HDAC9: variants seen among roughly 807,000 people sequenced by gnomAD.
HDAC9 encodes MEF-2 interacting transcription repressor (MITR) protein.
Under a neutral mutation model 139.4 loss-of-function variants are expected in HDAC9, and 41 were observed. The ratio of observed to expected loss-of-function variants is 0.29; its 90% CI spans 0.23 to 0.38. The LOEUF (loss-of-function observed/expected upper bound fraction) is 0.38, where lower values mean the gene tolerates loss of function less well. Among genes scored for constraint, HDAC9 ranks in the 10% least tolerant of loss-of-function variants. The pLI is 1.00. For synonymous variants in HDAC9, 517 were observed against 476.2 expected (o/e 1.09, Z -1.12); for missense variants, 1,147 against 1,297.0 (o/e 0.88, Z 1.78).
At chr7:18,300,191 ATT>A (rs200511894) in intron 1 of HDAC9, among the ~76,000 whole-genome samples, 44 of 142,638 alleles carry the variant, frequency 3.1e-4, no homozygotes, top group Middle Eastern at 3.6e-3. Context: ...TTTTTTGCAA[ATT>A]TTTTTTTTTT....
At chr7:18,403,332 C>T (rs1787714385) in intron 1 of HDAC9, among the ~76,000 whole-genome samples, 1 of 152,098 alleles carries the variant, frequency 6.6e-6, no homozygotes, top group Non-Finnish European at 1.5e-5. Context: ...CATACTAGGT[C>T]TTATGATTTG....
chr7:18,605,070 A>G (rs1835076774), intron 6 of HDAC9, among the ~76,000 whole-genome samples: 1 of 152,094 alleles, frequency 6.6e-6, no homozygotes, highest in African/African-American at 2.4e-5. Context: ...TTTGTTTAAT[A>G]TCTGTTGTAG....
At chr7:18,709,034 G>A (rs1230141011) in intron 12 of HDAC9, among the ~76,000 whole-genome samples, 1 of 151,064 alleles carries the variant, frequency 6.6e-6, no homozygotes, top group Non-Finnish European at 1.5e-5. Flanking sequence ...GTTAACAACA[G>A]ATTCCCAACC....
intron 16 of HDAC9, among the ~76,000 whole-genome samples, chr7:18,770,958 A>C (rs1009014116): frequency 6.6e-6 from 1 of 152,164 alleles, no homozygotes; most frequent in Admixed American, 6.6e-5. Context: ...AGCCCTGCAG[A>C]CAGCAGAGAA....
intron 1 of HDAC9, among the ~76,000 whole-genome samples, chr7:18,471,842 G>T (rs1794748761): frequency 6.6e-6 from 1 of 152,298 alleles, no homozygotes; most frequent in South Asian, 2.1e-4. Context: ...AGAAGGATGT[G>T]GGAGAAGAGA....
chr7:18,248,543 T>A (rs1794709780), intron 2 of HDAC9, among the ~76,000 whole-genome samples: 1 of 152,228 alleles, frequency 6.6e-6, no homozygotes, highest in South Asian at 2.1e-4. Flanking sequence ...CACAGTCTCT[T>A]CAGGCACATT....
intron 1 of HDAC9, among the ~76,000 whole-genome samples, chr7:18,128,573 G>T (rs182628271): frequency 1.8e-4 from 27 of 152,156 alleles, no homozygotes; most frequent in Admixed American, 1.6e-3. Context: ...ATTACAAAAA[G>T]CATCTGAACT....
intron 1 of HDAC9, among the ~76,000 whole-genome samples, chr7:18,097,255 T>C (rs534437773): frequency 1.2e-4 from 18 of 152,270 alleles, no homozygotes; most frequent in African/African-American, 4.3e-4. Context: ...GTTATTTGAT[T>C]TTGTTGTATT....
intron 21 of HDAC9, among the ~76,000 whole-genome samples, chr7:18,856,911 C>T (rs1377098434): frequency 1.3e-5 from 2 of 152,118 alleles, no homozygotes; most frequent in Non-Finnish European, 2.9e-5. Flanking sequence ...TGAATGATCA[C>T]CGCTGGGTCA....
At chr7:18,392,273 ACTCTCTCTCTCTCTCTGT>A (rs1388772974) in intron 1 of HDAC9, among the ~76,000 whole-genome samples, 1 of 65,742 alleles carries the variant, frequency 1.5e-5, no homozygotes, top group Non-Finnish European at 3.4e-5. Context: ...TGTCTCTGTC[ACTCTCTCTCTCTCTCTGT>A]CTCTCTCTCT....
rs183707015 is a variant in HDAC9, at chr7:18,991,347, A to G, written c.3171-4676A>G. Among the ~76,000 whole-genome samples the G allele has an allele frequency of 3.3e-3, 501 of 152,382 alleles. 2 individuals carry two copies. The highest frequency in any genetic ancestry group is 0.012 in the African/African-American group (492 of 41,594). ...TCAGTTTGTGAATACTGGAAAGATA[A>G]AGAAGTCATCAGGCTGGGCACAGTG... On this transcript the variant is annotated intron_variant, in intron 25 of 25. Transcript: ENST00000686413.
At chr7:18,882,062 C>G (rs1386323693) in intron 22 of HDAC9, among the ~76,000 whole-genome samples, 1 of 152,032 alleles carries the variant, frequency 6.6e-6, no homozygotes, top group East Asian at 1.9e-4. Context: ...CAAAAACTGG[C>G]CAAGTGCCTG....
intron 24 of HDAC9, among the ~76,000 whole-genome samples, chr7:18,959,080 A>G (rs546078503): frequency 6.6e-6 from 1 of 152,248 alleles, no homozygotes; most frequent in Non-Finnish European, 1.5e-5. Flanking sequence ...GATTTACAGC[A>G]TCCATGCACC....
At chr7:18,768,856 A>G (rs1790045012) in intron 16 of HDAC9, among the ~76,000 whole-genome samples, 1 of 152,176 alleles carries the variant, frequency 6.6e-6, no homozygotes, top group Non-Finnish European at 1.5e-5. Flanking sequence ...CATACTTTGA[A>G]TATACAGCCA....
At position 18,269,339 on chromosome 7, in the gene HDAC9, T is replaced by C. The variant is rs531399245; in HGVS notation, c.25+106990T>C. On this transcript the variant is annotated intron_variant, in intron 2 of 12. Coordinates refer to the HDAC9 transcript ENST00000417496. ...TTGGAAAAAATGAGAAGTGGGTGTTTAAATGTTTTAAGAGGTAATTTTCCA... is the reference window on the plus strand; with the variant it reads ...TTGGAAAAAATGAGAAGTGGGTGTTCAAATGTTTTAAGAGGTAATTTTCCA... Among the ~76,000 whole-genome samples, 22 of 152,300 alleles carry C rather than the reference T, an allele frequency of 1.4e-4. No individual in the cohort carries two copies. The South Asian group carries it at 4.6e-3, about 32-fold the overall frequency.
chr7:18,989,896 CA>C (rs1043380039), intron 25 of HDAC9, among the ~76,000 whole-genome samples: 5 of 151,106 alleles, frequency 3.3e-5, no homozygotes, highest in African/African-American at 1.2e-4. Context: ...CCTTGGTTTT[CA>C]GCTCCATCAG....
intron 21 of HDAC9, among the ~76,000 whole-genome samples, chr7:18,838,503 A>G (rs1467495299): frequency 6.6e-6 from 1 of 152,020 alleles, no homozygotes; most frequent in Non-Finnish European, 1.5e-5. Flanking sequence ...CAAGGACATG[A>G]GGTGGGATTG....
intron 22 of HDAC9, among the ~76,000 whole-genome samples, chr7:18,878,435 C>G (rs530671274): frequency 6.6e-6 from 1 of 152,188 alleles, no homozygotes. Flanking sequence ...GAAATACATT[C>G]CTTTAATAAA....
intron 1 of HDAC9, among the ~76,000 whole-genome samples, chr7:18,338,861 G>A (rs887684401): frequency 3.3e-5 from 5 of 151,202 alleles, no homozygotes; most frequent in Non-Finnish European, 5.9e-5. Flanking sequence ...TTAAATCCTC[G>A]GTAGAATTCA....
Sources: gnomAD v4.1 joint callset for allele counts (sites outside exome capture counted in the v4.1 genomes callset) on GRCh38, gnomAD v4.1.1 for gene constraint, MANE v1.5 for transcripts, NCBI Gene and HGNC (gene_info 2026-07-23, HGNC 2026-07-21) for gene names.